The following AQP4 variants were observed in gnomAD, a reference collection of about 807,000 sequenced individuals.
AQP4 encodes aquaporin-4.
AQP4 carries 18 observed loss-of-function variants against 27.8 expected under a neutral mutation model. That is an observed-to-expected ratio of 0.65 (90% CI 0.45 to 0.96). The LOEUF (loss-of-function observed/expected upper bound fraction) is 0.96. Among genes scored for constraint, AQP4 ranks in the 40% least tolerant of loss-of-function variants. AQP4 has a pLI of 0.00. For synonymous variants in AQP4, 141 were observed against 142.9 expected (o/e 0.99, Z 0.10); for missense variants, 412 against 408.2 (o/e 1.01, Z -0.08).
intron 4 of AQP4, among the ~76,000 whole-genome samples, chr18:26,860,158 G>A (rs28573954): frequency 0.012 from 1,757 of 152,274 alleles, 40 homozygotes; most frequent in African/African-American, 0.038. Flanking sequence ...AGACTGAAAA[G>A]TGAGCCTTTT....
At chr18:26,858,113 C>CA (rs941757616) in intron 4 of AQP4, among the ~76,000 whole-genome samples, 10 of 150,598 alleles carry the variant, frequency 6.6e-5, no homozygotes, top group South Asian at 4.2e-4. Flanking sequence ...CTACAAAATA[C>CA]AAAAAAAAAT....
chr18:26,853,432 C>T lies in AQP4; in HGVS notation c.*2779G>A, dbSNP rs979879319. On this transcript the variant is annotated 3_prime_UTR_variant, in exon 5 of 5. Coordinates refer to ENST00000383168, the MANE Select transcript of AQP4 (RefSeq NM_001650.7). Reference sequence around the variant, plus strand: ...GAAAGCTTAAAATAAGACTCTTTCCCTTTTGTACACTTTTGACAAACTATG... The same window carrying T: ...GAAAGCTTAAAATAAGACTCTTTCCTTTTTGTACACTTTTGACAAACTATG... The T allele has an allele frequency of 9.9e-5, 15 of 152,198 alleles. No homozygotes were observed. Among genetic ancestry groups the T allele is most frequent in the African/African-American group, 3.6e-4 (15 of 41,434 alleles). The allele number at this position is 152,198 out of a possible 1,614,324, so 9.4% of individuals were successfully genotyped here.
At chr18:26,861,466 A>G (rs1404778722) in intron 2 of AQP4, among the ~76,000 whole-genome samples, 171 bp from the exon 3 acceptor site, 1 of 152,192 alleles carries the variant, frequency 6.6e-6, no homozygotes, top group African/African-American at 2.4e-5. Flanking sequence ...GAAGGAATAA[A>G]TTTATATTCA....
chr18:26,861,715 C>T (rs145537579), intron 2 of AQP4, among the ~76,000 whole-genome samples: 1 of 151,802 alleles, frequency 6.6e-6, no homozygotes, highest in African/African-American at 2.4e-5. Context: ...TTAATCAGCC[C>T]TGGTGCTGAG....
At chr18:26,862,705 G>A (rs2054976708) in intron 1 of AQP4, 109 bp from the exon 2 acceptor site, 1 of 1,441,702 alleles carries the variant, frequency 6.9e-7, no homozygotes, top group Non-Finnish European at 9.7e-7. Flanking sequence ...GGGGCTGCCA[G>A]GCGTGATTTG....
At chr18:26,860,576 T>C (rs2054922791) in intron 4 of AQP4, 196 bp downstream of exon 4, 3 of 575,496 alleles carry the variant, frequency 5.2e-6, no homozygotes, top group South Asian at 1.9e-5. Context: ...CAGTTAGAGA[T>C]GTTTTACATC....
chr18:26,864,493 C>T (rs914237921), intron 1 of AQP4, among the ~76,000 whole-genome samples: 1 of 152,082 alleles, frequency 6.6e-6, no homozygotes, highest in Non-Finnish European at 1.5e-5. Flanking sequence ...GGGATGACAA[C>T]GACATCATAC....
At position 26,860,779 on chromosome 18, in the gene AQP4, T is replaced by G. The variant is rs2054926803; in HGVS notation, c.686A>C (p.Asn229Thr). ...GPAVIMGNWE[N>T]HWIYWVGPII... ...TATCAATATGAGGGTTACCCAATGGTTTTCCCAATTTCCCATGATAACTGC... is the reference window on the plus strand; with the variant it reads ...TATCAATATGAGGGTTACCCAATGGGTTTCCCAATTTCCCATGATAACTGC... Residue 229 changes from asparagine to threonine, a missense_variant, in exon 4 of 5, where the codon AAC becomes ACC. Physicochemically the swap from Asn to Thr is moderately conservative, Grantham distance 65 (BLOSUM62 0). Coordinates refer to ENST00000383168, the MANE Select transcript of AQP4 (RefSeq NM_001650.7). 4 of 1,613,520 alleles carry G rather than the reference T, an allele frequency of 2.5e-6. No homozygotes were observed. The highest frequency in any genetic ancestry group is 3.4e-6 in the Non-Finnish European group (4 of 1,179,500).
chr18:26,860,977 A>T, intron 3 of AQP4, 125 bp from the exon 4 acceptor site: 2 of 1,357,972 alleles, frequency 1.5e-6, no homozygotes, highest in Non-Finnish European at 2.1e-6. Context: ...CTATATCAAC[A>T]TTCTCATTGA....
chr18:26,860,275 TATTA>T (rs1248898644), intron 4 of AQP4, among the ~76,000 whole-genome samples: 3 of 152,238 alleles, frequency 2.0e-5, no homozygotes, highest in Non-Finnish European at 2.9e-5. Context: ...ACTTACATAC[TATTA>T]ATTGAGTTCA....
At chr18:26,865,710 A>T (rs762582877), upstream of AQP4, 5 of 1,614,156 alleles carry the variant, frequency 3.1e-6, no homozygotes, top group Admixed American at 8.3e-5. Flanking sequence ...GCCAGAGTGC[A>T]GCTCTCATTG....
rs940471107 is a variant in AQP4, at chr18:26,856,130, C to G, written c.*81G>C. 194 of 1,540,076 alleles carry G rather than the reference C, an allele frequency of 1.3e-4. No homozygotes were observed. The highest frequency in any genetic ancestry group is 1.3e-4 in the Non-Finnish European group (140 of 1,115,090). On this transcript the variant is annotated 3_prime_UTR_variant, in exon 5 of 5. Coordinates refer to ENST00000383168, the MANE Select transcript of AQP4 (RefSeq NM_001650.7). ...AAACCTGCACATTTCTAATTTATAA[C>G]AAATCTGTTTCCTTAATGGGTGGAA...
Position 26,862,321 on chromosome 18 carries a change from G to A in AQP4, c.308C>T (p.Ala103Val), listed in dbSNP as rs2054964785. 1.9e-6 allele frequency: 3 copies of A among 1,614,018 alleles called. No individual in the cohort carries two copies. Among genetic ancestry groups the A allele is most frequent in the African/African-American group, 1.3e-5 (1 of 74,898 alleles). ...GGHINPAVTV[A>V]MVCTRKISIA... is the part of the protein sequence containing the mutation. ...GCTGATCTTCCTGGTGCACACCATG[G>A]CCACAGTCACTGCAGGGTTGATGTG... The change falls in exon 2 of 5, where the codon GCC becomes GTC. Residue 103 changes from alanine (A) to valine (V), a missense_variant. Physicochemically the swap from Ala to Val is moderately conservative, Grantham distance 64. Coordinates refer to ENST00000383168, the MANE Select transcript of AQP4 (RefSeq NM_001650.7).
chr18:26,862,906 C>T, intron 1 of AQP4: 1 of 386,742 alleles, frequency 2.6e-6, no homozygotes, highest in Non-Finnish European at 4.8e-6. Flanking sequence ...TTACCTTGTA[C>T]TTAATTCCCT....
chr18:26,863,492 C>A (rs919090514), intron 1 of AQP4, among the ~76,000 whole-genome samples: 1 of 152,166 alleles, frequency 6.6e-6, no homozygotes, highest in Admixed American at 6.5e-5. Flanking sequence ...TGCATCCTGG[C>A]CGCTGGAGGT....
Position 26,856,315 on chromosome 18 carries a change from C to T in AQP4, c.868G>A (p.Asp290Asn). 1.9e-6 allele frequency: 3 copies of T among 1,614,210 alleles called. No individual in the cohort carries two copies. The highest frequency in any genetic ancestry group is 4.5e-5 in the East Asian group (2 of 44,892). Residue 290 changes from aspartate (D) to asparagine (N), a missense_variant, in exon 5 of 5, where the codon GAT becomes AAT. Coordinates refer to ENST00000383168, the MANE Select transcript of AQP4 (RefSeq NM_001650.7). Reference sequence around the variant, plus strand: ...ACTCCAGGTTTTAGAATCAGGTCATCCGTCTCTACCTGACTCCTGTTGTCC... The same window carrying T: ...ACTCCAGGTTTTAGAATCAGGTCATTCGTCTCTACCTGACTCCTGTTGTCC... ...VEDNRSQVET[D>N]DLILKPGVVH... is the part of the protein sequence containing the mutation.
Position 26,857,229 on chromosome 18 carries a change from C to T in AQP4, c.694-740G>A, listed in dbSNP as rs150532050. On this transcript the variant is annotated intron_variant, in intron 4 of 4. Transcript: ENST00000383168. ...ACTGTGCAGATAGCTTTCATCTATG[C>T]GGTTCTCACGATGGCTTGGTGAAAA... Among the ~76,000 whole-genome samples, 35 of 152,110 alleles carry T rather than the reference C, an allele frequency of 2.3e-4. No homozygotes were observed. In the East Asian group the frequency reaches 3.1e-3, roughly 13 times the overall value.
At chr18:26,863,765 C>T (rs779601064) in intron 1 of AQP4, among the ~76,000 whole-genome samples, 2 of 152,128 alleles carry the variant, frequency 1.3e-5, no homozygotes, top group Non-Finnish European at 2.9e-5. Flanking sequence ...CTTTTCTCTA[C>T]GGTCTTTTTG....
chr18:26,860,556 C>T, intron 4 of AQP4: 1 of 532,324 alleles, frequency 1.9e-6, no homozygotes, highest in East Asian at 3.4e-5. Flanking sequence ...TATTGGAGGC[C>T]TAGAACCTTC....
Sources: gnomAD v4.1 joint callset for allele counts (sites outside exome capture counted in the v4.1 genomes callset) on GRCh38, gnomAD v4.1.1 for gene constraint, MANE v1.5 for transcripts, NCBI Gene and HGNC (gene_info 2026-07-23, HGNC 2026-07-21) for gene names.